SCHIP1: variants seen among roughly 807,000 people sequenced by gnomAD.
SCHIP1 encodes the protein schwannomin-interacting protein 1.
A neutral mutation model predicts 29.7 loss-of-function variants in SCHIP1; 8 were observed. That is an observed-to-expected ratio of 0.27 (90% confidence interval 0.16 to 0.49). SCHIP1 has a LOEUF of 0.49. Ranked by LOEUF, SCHIP1 falls within the 20% of genes least tolerant of loss-of-function variation. SCHIP1 has a pLI of 0.99. For missense variants in SCHIP1, 193 were observed against 294.6 expected, an observed-to-expected ratio of 0.66 and a Z score of 2.52; for synonymous variants, 76 against 94.9, an observed-to-expected ratio of 0.80 and a Z score of 1.16.
chr3:159,347,922 A>C, the SCHIP1 span, among the ~76,000 whole-genome samples: 1 of 152,200 alleles, frequency 6.6e-6, no homozygotes, highest in Non-Finnish European at 1.5e-5. Flanking sequence ...CCCAATTTGA[A>C]AAGAGGAAAT....
chr3:159,512,098 G>T, the SCHIP1 span, among the ~76,000 whole-genome samples: 1 of 151,712 alleles, frequency 6.6e-6, no homozygotes, highest in Non-Finnish European at 1.5e-5. Context: ...AACATAAAAA[G>T]AACTCTTACA....
chr3:159,711,318 G>T, the SCHIP1 span, among the ~76,000 whole-genome samples: 1 of 60,852 alleles, frequency 1.6e-5, no homozygotes, highest in Non-Finnish European at 2.3e-5. Flanking sequence ...CCGAGATCCC[G>T]CCACTGCACT....
the SCHIP1 span, among the ~76,000 whole-genome samples, chr3:159,672,980 A>C: frequency 6.6e-6 from 1 of 152,332 alleles, no homozygotes; most frequent in African/African-American, 2.4e-5. Flanking sequence ...CAGGAATGAG[A>C]GAGTCTCTGA....
At chr3:159,405,606 TG>T in the SCHIP1 span, among the ~76,000 whole-genome samples, 1 of 151,962 alleles carries the variant, frequency 6.6e-6, no homozygotes, top group Non-Finnish European at 1.5e-5. Context: ...AGGCCAGGCA[TG>T]GTGGCACACA....
chr3:159,550,713 T>C, the SCHIP1 span, among the ~76,000 whole-genome samples: 74 of 152,288 alleles, frequency 4.9e-4, no homozygotes, highest in African/African-American at 1.8e-3. Flanking sequence ...GGCAAAATTA[T>C]GGCAAAATCA....
chr3:159,442,372 G>A, the SCHIP1 span, among the ~76,000 whole-genome samples: 3 of 152,098 alleles, frequency 2.0e-5, no homozygotes, highest in Non-Finnish European at 4.4e-5. Context: ...GGATAGGAGC[G>A]CTCCAACCTT....
At chr3:159,543,142 TAA>T in the SCHIP1 span, among the ~76,000 whole-genome samples, 1 of 150,814 alleles carries the variant, frequency 6.6e-6, no homozygotes, top group Non-Finnish European at 1.5e-5. Context: ...TATATAGATA[TAA>T]AAGTCATTCT....
At chr3:159,283,644 T>C in the SCHIP1 span, among the ~76,000 whole-genome samples, 1 of 152,200 alleles carries the variant, frequency 6.6e-6, no homozygotes, top group Admixed American at 6.5e-5. Flanking sequence ...GTTATTACTA[T>C]AATATAGGAA....
chr3:159,864,972 C>T (rs1453175997), intron 1 of SCHIP1, among the ~76,000 whole-genome samples: 1 of 152,124 alleles, frequency 6.6e-6, no homozygotes, highest in East Asian at 1.9e-4. Context: ...ACAGAGAAGC[C>T]TTAACCTATT....
chr3:159,824,400 C>T, the SCHIP1 span, among the ~76,000 whole-genome samples: 1 of 152,184 alleles, frequency 6.6e-6, no homozygotes, highest in African/African-American at 2.4e-5. Flanking sequence ...GCATGCATAC[C>T]AGACTGGATC....
intron 1 of SCHIP1, among the ~76,000 whole-genome samples, chr3:159,862,539 G>A (rs1481817103): frequency 6.6e-6 from 1 of 152,074 alleles, no homozygotes; most frequent in African/African-American, 2.4e-5. Context: ...TCTGGACTGG[G>A]AAGAGTTTTC....
chr3:159,788,872 A>T, the SCHIP1 span, among the ~76,000 whole-genome samples: 1 of 152,160 alleles, frequency 6.6e-6, no homozygotes, highest in African/African-American at 2.4e-5. Context: ...AAAATTGAGC[A>T]TCTGTAATTA....
At chr3:159,803,002 A>G in the SCHIP1 span, among the ~76,000 whole-genome samples, 4 of 152,254 alleles carry the variant, frequency 2.6e-5, no homozygotes, top group Non-Finnish European at 5.9e-5. Flanking sequence ...GGGAAGAAGA[A>G]GAACACATCT....
At chr3:159,776,332 C>CT in the SCHIP1 span, among the ~76,000 whole-genome samples, 917 of 135,136 alleles carry the variant, frequency 6.8e-3, 8 homozygotes, top group African/African-American at 0.015. Context: ...AGTGTTCTGT[C>CT]TTTTTTTTTT....
the SCHIP1 span, among the ~76,000 whole-genome samples, chr3:159,773,834 G>A: frequency 1.3e-5 from 2 of 152,318 alleles, no homozygotes; most frequent in Admixed American, 6.5e-5. Context: ...CACAAGTGAA[G>A]ACAGATTTTG....
At chr3:159,462,823 T>C in the SCHIP1 span, among the ~76,000 whole-genome samples, 2 of 152,164 alleles carry the variant, frequency 1.3e-5, no homozygotes, top group East Asian at 1.9e-4. Context: ...TTTTAGATAA[T>C]TTAACAGGTA....
At chr3:159,438,071 A>G in the SCHIP1 span, among the ~76,000 whole-genome samples, 1 of 152,190 alleles carries the variant, frequency 6.6e-6, no homozygotes, top group East Asian at 1.9e-4. Flanking sequence ...GGAATATGAT[A>G]AGCACTATAT....
chr3:159,434,196 G>A, the SCHIP1 span, among the ~76,000 whole-genome samples: 1 of 152,162 alleles, frequency 6.6e-6, no homozygotes, highest in Non-Finnish European at 1.5e-5. Flanking sequence ...ATTGCTAGTT[G>A]CAAGAATACA....
At chr3:159,375,379 A>G in the SCHIP1 span, among the ~76,000 whole-genome samples, 1 of 152,252 alleles carries the variant, frequency 6.6e-6, no homozygotes, top group Non-Finnish European at 1.5e-5. Flanking sequence ...CATTCCAGCT[A>G]GAGAATACAG....
Sources: gnomAD v4.1 joint callset for allele counts (sites outside exome capture counted in the v4.1 genomes callset) on GRCh38, gnomAD v4.1.1 for gene constraint, MANE v1.5 for transcripts, NCBI Gene and HGNC (gene_info 2026-07-23, HGNC 2026-07-21) for gene names.